Variants in NUB1 observed in about 807,000 individuals in gnomAD.
NUB1 encodes negative regulator of ubiquitin like proteins 1, also known as NEDD8 ultimate buster 1.
NUB1 carries 41 observed loss-of-function variants against 77.1 expected under a neutral mutation model. The ratio of observed to expected loss-of-function variants is 0.53; its 90% CI spans 0.41 to 0.69. NUB1 has a LOEUF of 0.69. Among genes scored for constraint, NUB1 ranks in the 30% least tolerant of loss-of-function variants. The pLI is 0.00. For synonymous variants in NUB1, 257 were observed against 281.0 expected (o/e 0.91, Z 0.85); for missense variants, 643 against 743.8 (o/e 0.86, Z 1.58).
At chr7:151,356,335 T>C in intron 7 of NUB1, 113 bp downstream of exon 7, 2 of 769,558 alleles carry the variant, frequency 2.6e-6, no homozygotes, top group African/African-American at 3.4e-5. Flanking sequence ...CAGTGCTCCA[T>C]CTCCAGCCTC....
At chr7:151,372,725 C>T (rs1391171522) in intron 11 of NUB1, among the ~76,000 whole-genome samples, 1 of 151,940 alleles carries the variant, frequency 6.6e-6, no homozygotes, top group South Asian at 2.1e-4. Flanking sequence ...GGGAGGTGGT[C>T]AGGAGCTGCT....
In NUB1 at chr7:151,368,792, C is replaced by A. The variant is rs1797822576; in HGVS notation, c.1153C>A (p.Gln385Lys). ...TCCATCAAAAGTGGACAATTTGTTG[C>A]AGTTGGGGTTTACTGCCCAGGAAGC... is the stretch of plus-strand genomic sequence containing the variant. ...IDPSKVDNLL[Q>K]LGFTAQEARL... Residue 385 changes from glutamine (Q) to lysine (K), a missense_variant, in exon 11 of 15, where the codon CAG becomes AAG. Physicochemically the swap from Gln to Lys is moderately conservative, Grantham distance 53. Coordinates refer to ENST00000568733, the MANE Select transcript of NUB1 (RefSeq NM_001243351.2). 1.2e-6 allele frequency: 2 copies of A among 1,613,812 alleles called. No homozygotes were observed. Among genetic ancestry groups the A allele is most frequent in the Non-Finnish European group, 1.7e-6 (2 of 1,179,858 alleles).
rs1304473290 is a variant in NUB1 at position 151,360,147 on chromosome 7, A to G, written c.700A>G (p.Met234Val). 1.3e-6 allele frequency: 2 copies of G among 1,549,538 alleles called. No homozygotes were observed. The highest frequency in any genetic ancestry group is 1.8e-6 in the Non-Finnish European group (2 of 1,124,380). ...AATTTGTATTTTTTCCTAGGCCCTT[A>G]TGTTAGCTATGGGATATCATGAGAA... ...RIPPSERKAL[M>V]LAMGYHEKGR... is the part of the protein sequence containing the mutation. Residue 234 changes from methionine to valine, a missense_variant, in exon 8 of 15, where the codon ATG becomes GTG. By Grantham distance (21) the Met-to-Val change is conservative (BLOSUM62 1). Transcript: ENST00000568733.
intron 12 of NUB1, among the ~76,000 whole-genome samples, chr7:151,374,797 G>A (rs190365300): frequency 2.6e-5 from 4 of 152,176 alleles, no homozygotes; most frequent in South Asian, 2.1e-4. Flanking sequence ...CAGGTGCTGC[G>A]CTGCGTCTCA....
chr7:151,352,071 T>C (rs1310441434), intron 4 of NUB1: 1 of 456,438 alleles, frequency 2.2e-6, no homozygotes, highest in Non-Finnish European at 4.4e-6. Flanking sequence ...TTTTTCTCAT[T>C]TCCTTCTTTG....
At chr7:151,356,933 T>C (rs1193423984) in intron 7 of NUB1, among the ~76,000 whole-genome samples, 1 of 152,272 alleles carries the variant, frequency 6.6e-6, no homozygotes, top group South Asian at 2.1e-4. Flanking sequence ...GTCAGGCTAG[T>C]CTTGAACTCC....
chr7:151,375,968 C>T (rs376361966), intron 13 of NUB1, 25 bp downstream of exon 13: 4 of 1,471,026 alleles, frequency 2.7e-6, no homozygotes, highest in South Asian at 1.1e-5. Flanking sequence ...TTTGTGCCCT[C>T]AGCTTGGACA....
rs934239181 is a variant in NUB1, at chr7:151,375,757, G to A, written c.1396-91G>A. 2.5e-5 allele frequency: 21 copies of A among 835,584 alleles called. No individual in the cohort carries two copies. In the African/African-American group the frequency reaches 2.7e-4, roughly 11 times the overall value. 51.8% of individuals were successfully genotyped at this position (835,584 alleles called of 1,614,324 possible). The stretch of plus-strand genomic sequence containing the variant: ...TGCCTCATAGCAGCAGAGGACGGCG[G>A]GGTCTGCCTAGCACATGGCAGGGTG... On this transcript the variant is annotated intron_variant, in intron 12 of 14. Transcript: ENST00000568733.
chr7:151,345,595 C>T, intron 2 of NUB1, 129 bp downstream of exon 2: 1 of 507,924 alleles, frequency 2.0e-6, no homozygotes. Flanking sequence ...GAGCGGGTAC[C>T]CACTTTTTAC....
intron 7 of NUB1, among the ~76,000 whole-genome samples, chr7:151,357,997 G>A (rs542982376): frequency 6.6e-6 from 1 of 151,280 alleles, no homozygotes; most frequent in Admixed American, 6.6e-5. Context: ...GTGTGTGTGA[G>A]GCGGAGTCTC....
At chr7:151,346,947 G>A (rs1274706556) in intron 2 of NUB1, among the ~76,000 whole-genome samples, 1 of 151,962 alleles carries the variant, frequency 6.6e-6, no homozygotes, top group Non-Finnish European at 1.5e-5. Flanking sequence ...GCTTTTTTGT[G>A]GGCTGAGCCC....
intron 11 of NUB1, among the ~76,000 whole-genome samples, chr7:151,370,281 G>T (rs1312571370): frequency 6.6e-6 from 1 of 152,000 alleles, no homozygotes. Flanking sequence ...TAGAGATGGG[G>T]TTTTACCAAT....
At chr7:151,343,921 C>T (rs1026106244) in intron 1 of NUB1, among the ~76,000 whole-genome samples, 2 of 152,034 alleles carry the variant, frequency 1.3e-5, no homozygotes, top group South Asian at 2.1e-4. Flanking sequence ...GTGGCTCAGG[C>T]CTGTAATCCC....
rs1174401244 is a variant in NUB1, at chr7:151,349,239, A to G, written c.284A>G (p.Lys95Arg). Residue 95 changes from lysine to arginine, a missense_variant and splice_region_variant, in exon 3 of 15, where the codon AAA (lysine) becomes AGA (arginine). Physicochemically the swap from Lys to Arg is conservative, Grantham distance 26. Transcript: ENST00000568733. ...IEVFLPPRLKKDRKNLLETRL... is the reference protein window; with the variant it reads ...IEVFLPPRLKRDRKNLLETRL... ...GTGTTTTTACCACCAAGACTAAAAAAAGTGAGTAATTTCCCTAAATTTGAG... is the reference window on the plus strand; with the variant it reads ...GTGTTTTTACCACCAAGACTAAAAAGAGTGAGTAATTTCCCTAAATTTGAG... 2.5e-6 allele frequency: 4 copies of G among 1,604,932 alleles called. No individual in the cohort carries two copies. The African/African-American group carries it at 5.4e-5, about 22-fold the overall frequency.
intron 9 of NUB1, 125 bp downstream of exon 9, chr7:151,367,250 T>C (rs1174132465): frequency 1.4e-6 from 1 of 712,148 alleles, no homozygotes. Context: ...TGCAGTATAG[T>C]CTTTTTAAAC....
intron 4 of NUB1, among the ~76,000 whole-genome samples, chr7:151,351,916 A>ATC (rs60437024): frequency 2.6e-5 from 4 of 151,012 alleles, no homozygotes; most frequent in East Asian, 1.9e-4. Flanking sequence ...CCATCTGTAA[A>ATC]ACACACACAC....
intron 8 of NUB1, among the ~76,000 whole-genome samples, chr7:151,365,431 G>C (rs1797624383): frequency 6.6e-6 from 1 of 151,710 alleles, no homozygotes; most frequent in Non-Finnish European, 1.5e-5. Flanking sequence ...CCACGCTCTT[G>C]ATGCTTAGTA....
chr7:151,362,995 T>A (rs1797455686), intron 8 of NUB1, among the ~76,000 whole-genome samples: 1 of 152,208 alleles, frequency 6.6e-6, no homozygotes, highest in African/African-American at 2.4e-5. Flanking sequence ...TAACAAAGCT[T>A]AAAAGCTACT....
At chr7:151,364,392 G>T (rs566535675) in intron 8 of NUB1, among the ~76,000 whole-genome samples, 1 of 148,376 alleles carries the variant, frequency 6.7e-6, no homozygotes, top group South Asian at 2.2e-4. Flanking sequence ...CTGCACTCCA[G>T]CCTGGAGGAG....
Sources: allele counts gnomAD v4.1 joint callset (sites outside exome capture counted in the v4.1 genomes callset), GRCh38; gene constraint gnomAD v4.1.1; transcripts MANE v1.5; gene names NCBI Gene and HGNC (gene_info 2026-07-23, HGNC 2026-07-21).